The following EHMT1 variants were observed in gnomAD, a reference collection of about 807,000 sequenced individuals.
EHMT1 encodes histone-lysine N-methyltransferase EHMT1.
A neutral mutation model predicts 147.2 loss-of-function variants in EHMT1; 15 were observed. The ratio of observed to expected loss-of-function variants is 0.10; its 90% CI spans 0.07 to 0.16. The LOEUF is 0.16. EHMT1 is among the 10% of genes least tolerant of loss of function. The pLI is 1.00. For synonymous variants in EHMT1, 795 were observed against 709.6 expected (o/e 1.12, Z -1.91); for missense variants, 1,587 against 1,772.4 (o/e 0.90, Z 1.88).
intron 1 of EHMT1, among the ~76,000 whole-genome samples, chr9:137,635,580 G>C (rs962461014): frequency 1.3e-5 from 2 of 151,500 alleles, no homozygotes; most frequent in African/African-American, 4.8e-5. Context: ...CAGCACTTTG[G>C]GAGGCCGAGG....
At chr9:137,817,562 AT>A in intron 24 of EHMT1, 37 bp downstream of exon 24, 1 of 1,613,302 alleles carries the variant, frequency 6.2e-7, no homozygotes, top group Non-Finnish European at 8.5e-7. Flanking sequence ...GCCTGGTGTC[AT>A]TTCTGGGACG....
chr9:137,703,393 C>G (rs1256636203), intron 1 of EHMT1, among the ~76,000 whole-genome samples: 1 of 152,220 alleles, frequency 6.6e-6, no homozygotes, highest in Non-Finnish European at 1.5e-5. Context: ...TGCTCTGCTT[C>G]CCTTTTAAAT....
chr9:137,700,250 T>C (rs1943724047), intron 1 of EHMT1, among the ~76,000 whole-genome samples: 1 of 152,208 alleles, frequency 6.6e-6, no homozygotes, highest in Non-Finnish European at 1.5e-5. Context: ...TCTCATGTCA[T>C]GACAGCCTGT....
chr9:137,764,704 C>G (rs1478613237), intron 10 of EHMT1: 1 of 152,170 alleles, frequency 6.6e-6, no homozygotes, highest in Non-Finnish European at 1.5e-5. Flanking sequence ...GACAAAATGC[C>G]TTTTACTTTT....
At chr9:137,811,753 C>G in intron 19 of EHMT1, 138 bp downstream of exon 19, 5 of 1,162,936 alleles carry the variant, frequency 4.3e-6, no homozygotes, top group Non-Finnish European at 5.0e-6. Flanking sequence ...GAAGTCCATC[C>G]TTGGTGTTCC....
intron 17 of EHMT1, among the ~76,000 whole-genome samples, chr9:137,799,539 G>T (rs1035278887): frequency 9.9e-5 from 15 of 152,200 alleles, no homozygotes; most frequent in African/African-American, 3.6e-4. Context: ...AGGCTTTGAG[G>T]CTGCTCAGCT....
intron 1 of EHMT1, among the ~76,000 whole-genome samples, chr9:137,684,944 T>C (rs778969776): frequency 7.9e-5 from 12 of 152,230 alleles, no homozygotes; most frequent in Non-Finnish European, 1.8e-4. Flanking sequence ...ATATACATTG[T>C]ATTTTTCCTT....
At chr9:137,804,411 G>A (rs191112992) in intron 18 of EHMT1, among the ~76,000 whole-genome samples, 14 of 152,116 alleles carry the variant, frequency 9.2e-5, no homozygotes, top group African/African-American at 2.9e-4. Flanking sequence ...GCTCATTTAC[G>A]ATCCATATAT....
chr9:137,694,764 C>T (rs933428604), intron 1 of EHMT1, among the ~76,000 whole-genome samples: 2 of 152,156 alleles, frequency 1.3e-5, no homozygotes, highest in East Asian at 1.9e-4. Flanking sequence ...GGTGATCAGG[C>T]GCGAGGCCTC....
At position 137,782,039 on chromosome 9, in the gene EHMT1, G is replaced by A. The variant is rs1338331954; in HGVS notation, c.2276-252G>A. Among the ~76,000 whole-genome samples the A allele has an allele frequency of 6.6e-6, 1 of 152,232 alleles. No homozygotes were observed. The highest frequency in any genetic ancestry group is 1.5e-5 in the Non-Finnish European group (1 of 68,044). Reference sequence around the variant, plus strand: ...GAAGGAACCTCAGAGTTAGAGCAGGGTGGTAAAGGGAAGAGCGTGCCTTGC... The same window carrying A: ...GAAGGAACCTCAGAGTTAGAGCAGGATGGTAAAGGGAAGAGCGTGCCTTGC... On this transcript the variant is annotated intron_variant, in intron 14 of 26. Transcript: ENST00000460843. This position sits in a 1 kb window ranked among gnomAD's most constrained non-coding sequence, Gnocchi z 5.7.
chr9:137,715,594 G>C (rs550549756), intron 2 of EHMT1: 1 of 985,296 alleles, frequency 1.0e-6, no homozygotes, highest in African/African-American at 1.7e-5. Context: ...TGCACCTAGC[G>C]ATGCCATCGC....
At chr9:137,647,328 C>A (rs866881829) in intron 1 of EHMT1, among the ~76,000 whole-genome samples, 24 of 152,282 alleles carry the variant, frequency 1.6e-4, no homozygotes, top group African/African-American at 5.3e-4. Context: ...CTGATAGGCA[C>A]CTTCTGCCCA....
At chr9:137,668,339 A>C (rs1309619816) in intron 1 of EHMT1, among the ~76,000 whole-genome samples, 4 of 138,898 alleles carry the variant, frequency 2.9e-5, no homozygotes, top group Admixed American at 7.4e-5. Context: ...CCACTCACCC[A>C]CCCACCACCT....
At chr9:137,678,750 T>C (rs1455107197) in intron 1 of EHMT1, among the ~76,000 whole-genome samples, 3 of 121,342 alleles carry the variant, frequency 2.5e-5, no homozygotes, top group Non-Finnish European at 4.9e-5. Context: ...TGCACTCTAC[T>C]CAGTCGGCGT....
At chr9:137,669,529 G>T (rs1450055621) in intron 1 of EHMT1, among the ~76,000 whole-genome samples, 3 of 44,086 alleles carry the variant, frequency 6.8e-5, no homozygotes, top group Middle Eastern at 0.014. Context: ...ACGTGCACTC[G>T]ACTCCTCCCA....
chr9:137,711,051 G>T, intron 2 of EHMT1, 21 bp downstream of exon 2: 1 of 1,579,444 alleles, frequency 6.3e-7, no homozygotes. Context: ...TGTGCACCGA[G>T]GGACAGGAGC....
chr9:137,637,119 G>C (rs551420858), intron 1 of EHMT1, among the ~76,000 whole-genome samples: 1 of 151,792 alleles, frequency 6.6e-6, no homozygotes, highest in South Asian at 2.1e-4. Flanking sequence ...GGATGGTCTC[G>C]ATCTCCTGAC....
chr9:137,773,819 T>C lies in EHMT1; in HGVS notation c.1648-1290T>C, dbSNP rs1459959181. The stretch of plus-strand genomic sequence containing the variant: ...TTTGTGTAATTTCCTTTGGGGGGCA[T>C]TTGTAGTTCTTCTTTAGTGAAATGC... On this transcript the variant is annotated intron_variant, in intron 10 of 26. Coordinates refer to ENST00000460843, the MANE Select transcript of EHMT1 (RefSeq NM_024757.5). Among the ~76,000 whole-genome samples the C allele has an allele frequency of 2.0e-5, 3 of 152,302 alleles. No individual in the cohort carries two copies. In the East Asian group the frequency reaches 5.8e-4, roughly 29 times the overall value.
chr9:137,742,432 C>T (rs200337923), intron 4 of EHMT1, among the ~76,000 whole-genome samples: 2 of 151,980 alleles, frequency 1.3e-5, no homozygotes, highest in Admixed American at 6.6e-5. Context: ...GCTGGGTCTT[C>T]AGGTGTGAGC....
Sources: allele counts gnomAD v4.1 joint callset (sites outside exome capture counted in the v4.1 genomes callset), GRCh38; gene constraint gnomAD v4.1.1; non-coding constraint Gnocchi (gnomAD v3.1); transcripts MANE v1.5; gene names NCBI Gene and HGNC (gene_info 2026-07-23, HGNC 2026-07-21).